The following SLC13A3 variants were observed in gnomAD, a reference collection of about 807,000 sequenced individuals.
The protein encoded by SLC13A3 is solute carrier family 13 member 3.
SLC13A3 carries 40 observed loss-of-function variants against 59.0 expected under a neutral mutation model. The ratio of observed to expected loss-of-function variants is 0.68; its 90% CI spans 0.53 to 0.88. The LOEUF is 0.88. Ranked by LOEUF, SLC13A3 falls within the 40% of genes least tolerant of loss-of-function variation. The probability of loss-of-function intolerance (pLI) is 0.00; values close to 1 mark genes in which losing one functional copy is unlikely to be tolerated. For missense variants in SLC13A3, 699 were observed against 783.2 expected (o/e 0.89, Z 1.28); for synonymous variants, 317 against 330.3 (o/e 0.96, Z 0.44).
In SLC13A3 at chr20:46,578,978, A is replaced by G. The variant is rs559990368; in HGVS notation, c.1220-3293T>C. ...AGCACATAGTAGGTACTCAATCAAT[A>G]TTTGAATGACCACAAAGGGTGAGAA... On this transcript the variant is annotated intron_variant, in intron 9 of 12. Transcript: ENST00000279027. 7.9e-5 allele frequency among the ~76,000 whole-genome samples: 12 copies of G among 152,318 alleles called. No homozygotes were observed. In the South Asian group the frequency reaches 1.2e-3, roughly 16 times the overall value.
At chr20:46,613,953 C>T (rs1434430572) in intron 1 of SLC13A3, 2 of 467,984 alleles carry the variant, frequency 4.3e-6, no homozygotes, top group Admixed American at 3.9e-5. Context: ...CCTCATTTTG[C>T]TCAATTATAA....
At position 46,632,719 on chromosome 20, in the gene SLC13A3, G is replaced by A. The variant is rs117037033; in HGVS notation, c.111+18592C>T. ...TGATGATAAGAATTTCAACCTCATAGAGTTATTGTTGGAAGGATTAAATAA... is the reference window on the plus strand; with the variant it reads ...TGATGATAAGAATTTCAACCTCATAAAGTTATTGTTGGAAGGATTAAATAA... On this transcript the variant is annotated intron_variant, in intron 1 of 12. Coordinates refer to ENST00000279027, the MANE Select transcript of SLC13A3 (RefSeq NM_022829.6). Among the ~76,000 whole-genome samples, 546 of 152,236 alleles carry A rather than the reference G, an allele frequency of 3.6e-3. 3 individuals are homozygous for A. Among genetic ancestry groups the A allele is most frequent in the Non-Finnish European group, 6.4e-3 (433 of 68,002 alleles).
In SLC13A3 at chr20:46,683,851, C is replaced by A. The variant is rs562480920; in HGVS notation, c.-31+545G>T. On this transcript the variant is annotated intron_variant, in intron 1 of 6. Coordinates refer to the SLC13A3 transcript ENST00000372121. ...TGGAGCATGCTCGCCACAGCTTCCA[C>A]CCTGGCTACTGTTTTTACTGGACCA... Among the ~76,000 whole-genome samples, 12 of 152,260 alleles carry A rather than the reference C, an allele frequency of 7.9e-5. 1 individual carries two copies. The South Asian group carries it at 2.1e-3, about 26-fold the overall frequency.
intron 1 of SLC13A3, among the ~76,000 whole-genome samples, chr20:46,649,115 G>C (rs548061229): frequency 1.3e-5 from 2 of 152,176 alleles, no homozygotes; most frequent in African/African-American, 4.8e-5. Flanking sequence ...GCATTACATG[G>C]GACAAGCCTG....
chr20:46,645,842 T>C (rs762789672), intron 1 of SLC13A3, among the ~76,000 whole-genome samples: 5 of 152,196 alleles, frequency 3.3e-5, no homozygotes, highest in African/African-American at 9.7e-5. Context: ...CCATACATGA[T>C]ACCCACAGAA....
chr20:46,621,883 G>T (rs1883690), intron 1 of SLC13A3, among the ~76,000 whole-genome samples: 3,536 of 152,304 alleles, frequency 0.023, 168 homozygotes, highest in African/African-American at 0.08. Context: ...ATATTTATTT[G>T]ACCTTATCTA....
At chr20:46,656,540 T>C (rs1568960510) in intron 1 of SLC13A3, among the ~76,000 whole-genome samples, 1 of 144,730 alleles carries the variant, frequency 6.9e-6, no homozygotes, top group African/African-American at 2.5e-5. Flanking sequence ...TACTATACAG[T>C]ACATATATTA....
upstream of SLC13A3, among the ~76,000 whole-genome samples, chr20:46,674,592 CGCGCGCGCGCGCGTGT>C (rs1192736833): frequency 1.4e-5 from 1 of 71,628 alleles, no homozygotes; most frequent in African/African-American, 4.5e-5. Flanking sequence ...GGGGAGTGCG[CGCGCGCGCGCGCGTGT>C]GTGTGTGTGT....
chr20:46,683,133 C>T (rs1445080897), intron 1 of SLC13A3, among the ~76,000 whole-genome samples: 1 of 152,184 alleles, frequency 6.6e-6, no homozygotes, highest in African/African-American at 2.4e-5. Context: ...GCTACCCCCA[C>T]TGCTACTGGC....
At chr20:46,674,363 G>A (rs1430468722), upstream of SLC13A3, among the ~76,000 whole-genome samples, 1 of 152,200 alleles carries the variant, frequency 6.6e-6, no homozygotes, top group East Asian at 1.9e-4. Flanking sequence ...CTCACTATGG[G>A]GAAGGGGGCA....
rs562438649 is a variant in SLC13A3 at position 46,583,959 on chromosome 20, G to A, written c.1122-290C>T. 1.5e-5 allele frequency: 15 copies of A among 985,328 alleles called. No individual in the cohort carries two copies. The Admixed American group carries it at 8.6e-4, about 57-fold the overall frequency. 61.0% of individuals were successfully genotyped at this position (985,328 alleles called of 1,614,324 possible). On this transcript the variant is annotated intron_variant, in intron 8 of 12. Coordinates refer to ENST00000279027, the MANE Select transcript of SLC13A3 (RefSeq NM_022829.6). ...TTGACCAAAGAGGGGAGAATCCGAG[G>A]GCCGCAGAATATTGGAGTCCTTGGA...
At chr20:46,610,660 A>G (rs765006716) in intron 2 of SLC13A3, 51 bp from the exon 3 acceptor site, 1 of 1,502,424 alleles carries the variant, frequency 6.7e-7, no homozygotes, top group South Asian at 1.3e-5. Flanking sequence ...GGCCCAGGAG[A>G]TCCTCTGGTC....
At chr20:46,632,864 A>AATAT (rs2062754095) in intron 1 of SLC13A3, among the ~76,000 whole-genome samples, 1 of 64,966 alleles carries the variant, frequency 1.5e-5, no homozygotes, top group Admixed American at 1.7e-4. Flanking sequence ...TCTCTCTTTC[A>AATAT]ATAGATAGAT....
At position 46,613,506 on chromosome 20, in the gene SLC13A3, G is replaced by A. The variant is rs200572099; in HGVS notation, c.331C>T (p.Arg111Ter). ...AGCATCAGGATCTTGAGGGCGATTC[G>A]CCGGTGCAGGTTCCACTCCTCAATG... ...SAIEEWNLHR[R>*]IALKILMLVG... is the part of the protein sequence containing the mutation. Residue 111 changes from arginine to a stop codon, truncating the protein, a stop_gained, in exon 2 of 13, where the codon CGA becomes TGA. Transcript: ENST00000279027. LOFTEE classifies it high-confidence loss of function. The A allele has an allele frequency of 1.7e-5, 27 of 1,611,226 alleles. No homozygotes were observed. Among genetic ancestry groups the A allele is most frequent in the Non-Finnish European group, 2.1e-5 (25 of 1,178,472 alleles).
At chr20:46,574,097 G>A (rs1057258668) in intron 10 of SLC13A3, among the ~76,000 whole-genome samples, 4 of 152,130 alleles carry the variant, frequency 2.6e-5, no homozygotes, top group South Asian at 2.1e-4. Context: ...TTTTGCCTCC[G>A]ATTCCTCATC....
intron 3 of SLC13A3, among the ~76,000 whole-genome samples, chr20:46,607,787 C>T (rs376707019): frequency 2.4e-4 from 36 of 152,280 alleles, no homozygotes; most frequent in African/African-American, 7.2e-4. Flanking sequence ...TCAGCCAGCC[C>T]GGATTCAAAA....
intron 1 of SLC13A3, among the ~76,000 whole-genome samples, chr20:46,650,242 TC>T (rs945160441): frequency 6.6e-6 from 1 of 152,022 alleles, no homozygotes; most frequent in African/African-American, 2.4e-5. Context: ...AGGGGTTACT[TC>T]CTTGGGGAGA....
At chr20:46,577,644 A>G (rs1156615917) in intron 9 of SLC13A3, among the ~76,000 whole-genome samples, 1 of 152,182 alleles carries the variant, frequency 6.6e-6, no homozygotes, top group African/African-American at 2.4e-5. Context: ...GTTAGCTACC[A>G]TGGGTTTTAT....
chr20:46,660,021 A>C (rs1210310202), intron 1 of SLC13A3, among the ~76,000 whole-genome samples: 1 of 152,232 alleles, frequency 6.6e-6, no homozygotes, highest in Admixed American at 6.5e-5. Context: ...CTTTTCTTCC[A>C]GCAGCCAATT....
Sources: allele counts gnomAD v4.1 joint callset (sites outside exome capture counted in the v4.1 genomes callset), GRCh38; gene constraint gnomAD v4.1.1; transcripts MANE v1.5; gene names NCBI Gene and HGNC (gene_info 2026-07-23, HGNC 2026-07-21).